The following HSD17B12 variants were observed in gnomAD, a reference collection of about 807,000 sequenced individuals.
HSD17B12 encodes the protein hydroxysteroid 17-beta dehydrogenase 12.
A neutral mutation model predicts 39.3 loss-of-function variants in HSD17B12; 32 were observed. The observed-to-expected ratio is 0.81, with a 90% CI of 0.61 to 1.09. The LOEUF (loss-of-function observed/expected upper bound fraction) is 1.09, where lower values mean the gene tolerates loss of function less well. Ranked by LOEUF, HSD17B12 falls within the 50% of genes least tolerant of loss-of-function variation. The pLI is 0.00. For missense variants in HSD17B12, 342 were observed against 382.9 expected (o/e 0.89, Z 0.89); for synonymous variants, 150 against 146.7 (o/e 1.02, Z -0.16).
At chr11:43,760,617 A>G (rs1950548064) in intron 3 of HSD17B12, among the ~76,000 whole-genome samples, 1 of 152,208 alleles carries the variant, frequency 6.6e-6, no homozygotes, top group Non-Finnish European at 1.5e-5. Context: ...TTCAGGCCTT[A>G]CTTGGAATTA....
chr11:43,698,266 G>A (rs1190636061), intron 1 of HSD17B12, among the ~76,000 whole-genome samples: 1 of 152,044 alleles, frequency 6.6e-6, no homozygotes, highest in Non-Finnish European at 1.5e-5. Context: ...AAATAATGAG[G>A]TTGATTTCTG....
intron 1 of HSD17B12, among the ~76,000 whole-genome samples, chr11:43,694,398 G>A (rs946029542): frequency 4.6e-5 from 7 of 152,068 alleles, no homozygotes; most frequent in African/African-American, 1.7e-4. Context: ...TTTCTCAAAT[G>A]TTGCTTCAAA....
chr11:43,648,654 T>G, the HSD17B12 span, among the ~76,000 whole-genome samples: 1 of 152,224 alleles, frequency 6.6e-6, no homozygotes, highest in African/African-American at 2.4e-5. Flanking sequence ...CTAAAAAAAT[T>G]TTTTTTATTT....
chr11:43,815,624 A>G lies in HSD17B12; in HGVS notation c.456+123A>G. ...TCACACGCTGGCTCTTCTGTTTACT[A>G]CCTGAGTTCCCTGGGTATGGGCCTA... On this transcript the variant is annotated intron_variant, in intron 5 of 10. Coordinates refer to ENST00000278353, the MANE Select transcript of HSD17B12 (RefSeq NM_016142.3). The G allele has an allele frequency of 7.4e-6, 4 of 541,382 alleles. No individual in the cohort carries two copies. The South Asian group carries it at 1.5e-4, about 21-fold the overall frequency. The allele number at this position is 541,382 out of a possible 1,614,324, so 33.5% of individuals were successfully genotyped here.
At chr11:43,651,382 A>G in the HSD17B12 span, among the ~76,000 whole-genome samples, 4 of 152,142 alleles carry the variant, frequency 2.6e-5, no homozygotes, top group Non-Finnish European at 5.9e-5. Flanking sequence ...TGAAAGAACC[A>G]TTTTTTCAGT....
chr11:43,754,555 GACA>G (rs1950493134), intron 3 of HSD17B12, among the ~76,000 whole-genome samples: 2 of 152,178 alleles, frequency 1.3e-5, no homozygotes, highest in Non-Finnish European at 2.9e-5. Flanking sequence ...CAGCCTGGGT[GACA>G]GAGTGAGACT....
At chr11:43,816,473 G>C in intron 6 of HSD17B12, 82 bp downstream of exon 6, 6 of 1,226,258 alleles carry the variant, frequency 4.9e-6, no homozygotes, top group Non-Finnish European at 6.6e-6. Context: ...TTGTTCACCT[G>C]AGTCTACTCT....
intron 1 of HSD17B12, among the ~76,000 whole-genome samples, chr11:43,708,260 G>A (rs1950033381): frequency 6.6e-6 from 1 of 152,180 alleles, no homozygotes; most frequent in East Asian, 1.9e-4. Flanking sequence ...AAGCTGAAGA[G>A]GAATAACAGT....
chr11:43,792,259 A>G (rs1820475574), intron 3 of HSD17B12, among the ~76,000 whole-genome samples: 1 of 152,220 alleles, frequency 6.6e-6, no homozygotes, highest in South Asian at 2.1e-4. Context: ...AAAATTAGAG[A>G]AAGTACAAAA....
intron 3 of HSD17B12, among the ~76,000 whole-genome samples, chr11:43,757,639 C>CAAA (rs60598991): frequency 0.015 from 111 of 7,202 alleles, 39 homozygotes; most frequent in African/African-American, 0.023. Context: ...GACTCCGTCT[C>CAAA]AAAAAAAAAA....
the HSD17B12 span, among the ~76,000 whole-genome samples, chr11:43,666,772 TC>T: frequency 6.6e-6 from 1 of 152,364 alleles, no homozygotes; most frequent in East Asian, 1.9e-4. Flanking sequence ...TCACTATACT[TC>T]ACACGACATT....
chr11:43,599,107 G>A, the HSD17B12 span, among the ~76,000 whole-genome samples: 1 of 152,112 alleles, frequency 6.6e-6, no homozygotes, highest in Non-Finnish European at 1.5e-5. Context: ...TCTGCTCAAC[G>A]ATCTATCCAT....
chr11:43,658,296 G>T, the HSD17B12 span, among the ~76,000 whole-genome samples: 1 of 151,848 alleles, frequency 6.6e-6, no homozygotes, highest in Non-Finnish European at 1.5e-5. Flanking sequence ...CATTCGTCTA[G>T]TTTTTTTTCA....
chr11:43,750,854 T>C (rs1950458868), intron 1 of HSD17B12, 57 bp from the exon 2 acceptor site: 2 of 1,285,288 alleles, frequency 1.6e-6, no homozygotes, highest in Admixed American at 1.9e-5. Flanking sequence ...GTCCTAACTA[T>C]GACCAATTCC....
the HSD17B12 span, among the ~76,000 whole-genome samples, chr11:43,584,097 C>G: frequency 6.6e-6 from 1 of 152,198 alleles, no homozygotes; most frequent in African/African-American, 2.4e-5. Flanking sequence ...CAGGCTCACT[C>G]TGACCACACC....
At chr11:43,580,002 A>G in the HSD17B12 span, among the ~76,000 whole-genome samples, 2 of 150,682 alleles carry the variant, frequency 1.3e-5, no homozygotes, top group African/African-American at 4.9e-5. Context: ...CCACTGGGGG[A>G]CTATACTGCT....
chr11:43,747,090 C>T (rs931662198), intron 1 of HSD17B12, among the ~76,000 whole-genome samples: 1 of 152,194 alleles, frequency 6.6e-6, no homozygotes, highest in African/African-American at 2.4e-5. Flanking sequence ...ACCAGGTTGT[C>T]AGGAAAACTG....
chr11:43,650,291 C>T, the HSD17B12 span, among the ~76,000 whole-genome samples: 1 of 151,878 alleles, frequency 6.6e-6, no homozygotes, highest in African/African-American at 2.4e-5. Context: ...CACAAGAGCC[C>T]TAATAGAAAA....
the HSD17B12 span, among the ~76,000 whole-genome samples, chr11:43,667,790 G>A: frequency 1.3e-5 from 2 of 152,188 alleles, no homozygotes; most frequent in African/African-American, 4.8e-5. Flanking sequence ...CATCATGTTG[G>A]TGCTCTAAAG....
Sources: gnomAD v4.1 joint callset for allele counts (sites outside exome capture counted in the v4.1 genomes callset) on GRCh38, gnomAD v4.1.1 for gene constraint, MANE v1.5 for transcripts, NCBI Gene and HGNC (gene_info 2026-07-23, HGNC 2026-07-21) for gene names.